SP100: variants seen among roughly 807,000 people sequenced by gnomAD.
SP100 encodes nuclear autoantigen Sp-100.
A neutral mutation model predicts 130.0 loss-of-function variants in SP100; 84 were observed. The observed-to-expected ratio is 0.65, with a 90% CI of 0.54 to 0.77. The LOEUF is 0.77. SP100 is among the 30% of genes least tolerant of loss of function. The probability of loss-of-function intolerance (pLI) is 0.00; values close to 1 mark genes in which losing one functional copy is unlikely to be tolerated. For synonymous variants in SP100, 331 were observed against 351.7 expected (o/e 0.94, Z 0.66); for missense variants, 978 against 1,052.2 (o/e 0.93, Z 0.97).
chr2:230,459,938 T>C (rs1358902849), intron 8 of SP100, among the ~76,000 whole-genome samples: 1 of 152,230 alleles, frequency 6.6e-6, no homozygotes, highest in African/African-American at 2.4e-5. Context: ...TTGAAGGATG[T>C]CTACCACGCA....
At chr2:230,540,177 G>A (rs976325337) in intron 25 of SP100, among the ~76,000 whole-genome samples, 9 of 152,162 alleles carry the variant, frequency 5.9e-5, no homozygotes, top group African/African-American at 1.9e-4. Context: ...GATGCAAAGT[G>A]CTCTCAAAGG....
intron 7 of SP100, 140 bp downstream of exon 7, chr2:230,449,850 T>C: frequency 9.0e-6 from 8 of 888,760 alleles, no homozygotes. Flanking sequence ...GGGGGCCTGT[T>C]ATACAGATGA....
chr2:230,544,984 G>A lies in SP100; in HGVS notation c.*2038G>A, dbSNP rs1444998222. Among the ~76,000 whole-genome samples, 4 of 152,128 alleles carry A rather than the reference G, an allele frequency of 2.6e-5. No individual in the cohort carries two copies. Among genetic ancestry groups the A allele is most frequent in the Non-Finnish European group, 5.9e-5 (4 of 68,024 alleles). ...AGGGAACATTTATACACTATTGATG[G>A]GAGTGTAAATTAGTTCAACCACTGT... is the stretch of plus-strand genomic sequence containing the variant. On this transcript the variant is annotated 3_prime_UTR_variant, in exon 29 of 29. Coordinates refer to ENST00000340126, the MANE Select transcript of SP100 (RefSeq NM_001080391.2).
intron 2 of SP100, among the ~76,000 whole-genome samples, chr2:230,433,176 A>G (rs1299514710): frequency 3.9e-5 from 6 of 152,198 alleles, no homozygotes; most frequent in African/African-American, 1.4e-4. Flanking sequence ...TGATTTATGC[A>G]TATGGTGTGA....
chr2:230,530,227 C>A (rs1235635182), intron 24 of SP100, among the ~76,000 whole-genome samples: 1 of 152,168 alleles, frequency 6.6e-6, no homozygotes, highest in Non-Finnish European at 1.5e-5. Flanking sequence ...GGTACCAAAA[C>A]AGATATATAG....
intron 17 of SP100, among the ~76,000 whole-genome samples, chr2:230,475,287 T>C (rs532843862): frequency 2.0e-5 from 3 of 152,296 alleles, no homozygotes; most frequent in African/African-American, 7.2e-5. Context: ...TATCTGATGA[T>C]TAGTAATGTT....
intron 17 of SP100, among the ~76,000 whole-genome samples, chr2:230,476,086 A>G (rs1281050434): frequency 6.6e-6 from 1 of 152,178 alleles, no homozygotes; most frequent in East Asian, 1.9e-4. Context: ...TGACGCTTTT[A>G]TTTTAATAAG....
chr2:230,474,854 G>A (rs185001769), intron 17 of SP100, among the ~76,000 whole-genome samples: 60 of 152,102 alleles, frequency 3.9e-4, no homozygotes, highest in African/African-American at 1.4e-3. Context: ...TGCTGCGAAG[G>A]GTGTGATTTC....
intron 24 of SP100, among the ~76,000 whole-genome samples, chr2:230,529,866 T>C (rs1281837209): frequency 6.6e-6 from 1 of 152,102 alleles, no homozygotes; most frequent in East Asian, 1.9e-4. Context: ...GGAATCCAAC[T>C]TGCAAGGGAT....
chr2:230,456,615 T>C (rs1174601021), intron 8 of SP100, among the ~76,000 whole-genome samples: 1 of 152,192 alleles, frequency 6.6e-6, no homozygotes, highest in East Asian at 1.9e-4. Context: ...TCTCTTTTCT[T>C]TTTCTTCTCT....
intron 8 of SP100, among the ~76,000 whole-genome samples, chr2:230,450,609 T>G (rs1353415017): frequency 6.6e-6 from 1 of 152,222 alleles, no homozygotes; most frequent in Non-Finnish European, 1.5e-5. Flanking sequence ...TTGTATCCTT[T>G]GACCAACATC....
chr2:230,451,767 C>A (rs1297705298), intron 8 of SP100, among the ~76,000 whole-genome samples: 5 of 151,744 alleles, frequency 3.3e-5, no homozygotes, highest in East Asian at 1.9e-4. Context: ...AGTTTTACAA[C>A]CTTGGGTATT....
At chr2:230,422,265 T>A (rs1031301405) in intron 2 of SP100, among the ~76,000 whole-genome samples, 1 of 152,228 alleles carries the variant, frequency 6.6e-6, no homozygotes, top group Non-Finnish European at 1.5e-5. Flanking sequence ...AAGGTTGTTT[T>A]AAGTGTTAGT....
chr2:230,424,654 G>A (rs1295171414), intron 2 of SP100, among the ~76,000 whole-genome samples: 1 of 145,202 alleles, frequency 6.9e-6, no homozygotes, highest in African/African-American at 2.6e-5. Flanking sequence ...GGGCAACAGA[G>A]TGAGACTCCA....
intron 21 of SP100, among the ~76,000 whole-genome samples, 174 bp downstream of exon 21, chr2:230,504,464 T>C (rs144310834): frequency 2.8e-4 from 42 of 152,314 alleles, no homozygotes; most frequent in African/African-American, 9.1e-4. Context: ...CTAGGGTTTA[T>C]GAGAGAAGCA....
intron 17 of SP100, among the ~76,000 whole-genome samples, chr2:230,482,158 T>A (rs1414997857): frequency 6.6e-6 from 1 of 152,186 alleles, no homozygotes. Context: ...TTGGTCTGTT[T>A]TATCATTTAT....
At chr2:230,468,608 T>C (rs1283064394) in intron 13 of SP100, among the ~76,000 whole-genome samples, 1 of 150,928 alleles carries the variant, frequency 6.6e-6, no homozygotes, top group Non-Finnish European at 1.5e-5. Flanking sequence ...AGCCCAGGAG[T>C]TCAAGACCAG....
At chr2:230,478,073 A>T (rs756286288) in intron 17 of SP100, among the ~76,000 whole-genome samples, 2 of 152,216 alleles carry the variant, frequency 1.3e-5, no homozygotes, top group Admixed American at 1.3e-4. Flanking sequence ...ATTTTAAAAA[A>T]GTTTTATACA....
At chr2:230,525,036 G>A (rs1691356544) in intron 24 of SP100, among the ~76,000 whole-genome samples, 1 of 152,158 alleles carries the variant, frequency 6.6e-6, no homozygotes, top group Admixed American at 6.5e-5. Flanking sequence ...GGAGAGAGGT[G>A]TAAAGAGAGT....
Sources: allele counts gnomAD v4.1 joint callset (sites outside exome capture counted in the v4.1 genomes callset), GRCh38; gene constraint gnomAD v4.1.1; transcripts MANE v1.5; gene names NCBI Gene and HGNC (gene_info 2026-07-23, HGNC 2026-07-21).